The following CLVS1 variants were observed in gnomAD, a reference collection of about 807,000 sequenced individuals.
CLVS1 encodes clavesin 1, also known as clavesin-1.
A neutral mutation model predicts 33.1 loss-of-function variants in CLVS1; 10 were observed. The observed-to-expected ratio is 0.30, with a 90% CI of 0.19 to 0.51. The LOEUF is 0.51. CLVS1 is among the 20% of genes least tolerant of loss of function. The pLI is 0.97. For missense variants in CLVS1, 343 were observed against 433.4 expected (o/e 0.79, Z 1.85); for synonymous variants, 163 against 166.1 (o/e 0.98, Z 0.14).
chr8:61,049,027 G>A, the CLVS1 span, among the ~76,000 whole-genome samples: 1 of 152,230 alleles, frequency 6.6e-6, no homozygotes, highest in Admixed American at 6.5e-5. Flanking sequence ...AGGACTGAAG[G>A]GTTCCTTAGA....
At position 61,074,807 on chromosome 8, in the gene CLVS1, A is replaced by G. The variant is rs149269335; in HGVS notation, c.-243+17577A>G. On this transcript the variant is annotated intron_variant, in intron 1 of 2. Transcript: ENST00000522621. Reference sequence around the variant, plus strand: ...TTTGTAAAAACAAAGATGAATATAAAGTGCCTGACACTTAGTAGGCATTTA... The same window carrying G: ...TTTGTAAAAACAAAGATGAATATAAGGTGCCTGACACTTAGTAGGCATTTA... Among the ~76,000 whole-genome samples the G allele has an allele frequency of 3.3e-5, 5 of 152,292 alleles. No individual in the cohort carries two copies. In the South Asian group the frequency reaches 6.2e-4, roughly 19 times the overall value.
chr8:61,265,299 A>C (rs1475091137), intron 2 of CLVS1, among the ~76,000 whole-genome samples: 1 of 138,250 alleles, frequency 7.2e-6, no homozygotes, highest in Non-Finnish European at 1.7e-5. Context: ...TGGACTCTGC[A>C]TGGAAGTCTG....
At chr8:61,043,829 G>T in the CLVS1 span, among the ~76,000 whole-genome samples, 1 of 152,266 alleles carries the variant, frequency 6.6e-6, no homozygotes, top group Non-Finnish European at 1.5e-5. Flanking sequence ...AAATTCAGGG[G>T]TCTGCTACAT....
intron 2 of CLVS1, among the ~76,000 whole-genome samples, chr8:61,313,700 T>G (rs1191824573): frequency 6.6e-6 from 1 of 151,856 alleles, no homozygotes; most frequent in Non-Finnish European, 1.5e-5. Flanking sequence ...TGGGGAGAAA[T>G]CTGAAACAAT....
intron 5 of CLVS1, among the ~76,000 whole-genome samples, chr8:61,482,216 C>A (rs1818221064): frequency 6.6e-6 from 1 of 152,088 alleles, no homozygotes; most frequent in Non-Finnish European, 1.5e-5. Flanking sequence ...ACATCAAAGA[C>A]CAAAGGTAGG....
chr8:61,097,306 AAATT>A (rs1805370303), intron 1 of CLVS1, among the ~76,000 whole-genome samples: 1 of 152,028 alleles, frequency 6.6e-6, no homozygotes. Context: ...AAAAATAAAA[AAATT>A]AAATTAATTA....
intron 2 of CLVS1, among the ~76,000 whole-genome samples, chr8:61,176,015 T>C (rs2129299432): frequency 6.6e-6 from 1 of 152,316 alleles, no homozygotes; most frequent in African/African-American, 2.4e-5. Flanking sequence ...AAACACACTC[T>C]AGATGGAGAG....
intron 2 of CLVS1, among the ~76,000 whole-genome samples, chr8:61,303,527 C>CT (rs1270994425): frequency 1.3e-5 from 2 of 152,160 alleles, no homozygotes; most frequent in African/African-American, 4.8e-5. Context: ...AAAGTAATCT[C>CT]TTTTTGCACT....
At chr8:60,998,488 G>T in the CLVS1 span, among the ~76,000 whole-genome samples, 1 of 152,124 alleles carries the variant, frequency 6.6e-6, no homozygotes, top group Non-Finnish European at 1.5e-5. Flanking sequence ...GGCCATGAGA[G>T]CCTCCCTGCC....
In CLVS1 at chr8:61,501,319, CTT is replaced by C. The variant is rs1804885266; in HGVS notation, c.*1779_*1780del. 1 of 152,134 alleles carries C rather than the reference CTT, an allele frequency of 6.6e-6. No individual in the cohort carries two copies. Among genetic ancestry groups the C allele is most frequent in the African/African-American group, 2.4e-5 (1 of 41,456 alleles). The allele number at this position is 152,134 out of a possible 1,614,324, so 9.4% of individuals were successfully genotyped here. A position where few individuals can be genotyped will look rare whatever the true frequency, so the allele number is the denominator to read the frequency against. On this transcript the variant is annotated 3_prime_UTR_variant, in exon 6 of 6. Coordinates refer to ENST00000325897, the MANE Select transcript of CLVS1 (RefSeq NM_173519.3). The stretch of plus-strand genomic sequence containing the variant: ...CTATTGGAGTCAATTATTGACAACA[CTT>C]TGCAACAGTAATACCATTTCTAGCT...
intron 2 of CLVS1, among the ~76,000 whole-genome samples, chr8:61,259,844 G>T (rs573262381): frequency 3.9e-4 from 59 of 152,288 alleles, no homozygotes; most frequent in Non-Finnish European, 1.2e-4. Flanking sequence ...GCAGCTGTGG[G>T]TATATCCCTG....
At chr8:61,241,379 C>G (rs1398337809) in intron 2 of CLVS1, among the ~76,000 whole-genome samples, 3 of 151,810 alleles carry the variant, frequency 2.0e-5, no homozygotes, top group African/African-American at 7.3e-5. Flanking sequence ...TGAGATAAGT[C>G]AAGTTTGTCA....
At chr8:60,995,991 A>G in the CLVS1 span, among the ~76,000 whole-genome samples, 1 of 152,152 alleles carries the variant, frequency 6.6e-6, no homozygotes, top group Non-Finnish European at 1.5e-5. Flanking sequence ...GAAGGGGAAT[A>G]TCACACTCTG....
At chr8:61,116,854 G>A (rs1306969932) in intron 1 of CLVS1, among the ~76,000 whole-genome samples, 1 of 141,078 alleles carries the variant, frequency 7.1e-6, no homozygotes, top group Non-Finnish European at 1.5e-5. Flanking sequence ...GGCGATGCGG[G>A]CTCTTTTTTG....
chr8:61,094,506 C>T (rs1805313553), intron 1 of CLVS1, among the ~76,000 whole-genome samples: 1 of 152,176 alleles, frequency 6.6e-6, no homozygotes, highest in African/African-American at 2.4e-5. Flanking sequence ...AATTGTGGCT[C>T]ATGAGGTTGG....
chr8:61,489,193 G>A lies in CLVS1; in HGVS notation c.978-10262G>A, dbSNP rs1803985488. ...AAAACAAACATTTTATAAATTAACAGCTGATTAATGTAAACTATTGGATTC... is the reference window on the plus strand; with the variant it reads ...AAAACAAACATTTTATAAATTAACAACTGATTAATGTAAACTATTGGATTC... On this transcript the variant is annotated intron_variant, in intron 5 of 5. Transcript: ENST00000325897. Among the ~76,000 whole-genome samples the A allele has an allele frequency of 2.0e-5, 3 of 152,146 alleles. No homozygotes were observed. In the South Asian group the frequency reaches 6.2e-4, roughly 32 times the overall value.
chr8:61,457,653 C>T (rs926845267), intron 4 of CLVS1, among the ~76,000 whole-genome samples: 2 of 152,006 alleles, frequency 1.3e-5, no homozygotes, highest in Admixed American at 6.5e-5. Context: ...TACCTTGTGC[C>T]CACATCACCC....
chr8:61,432,409 T>TA (rs1486327615), intron 3 of CLVS1, among the ~76,000 whole-genome samples: 1 of 152,140 alleles, frequency 6.6e-6, no homozygotes, highest in Non-Finnish European at 1.5e-5. Context: ...GTAATTAAGG[T>TA]AAAACGAAGT....
At position 61,208,274 on chromosome 8, in the gene CLVS1, C is replaced by T. The variant is rs552745944; in HGVS notation, c.-152+76414C>T. ...GGCACACATGCTGATTTAGTTTCAACTGTATGGCAGAATTTCTTAAAGACC... is the reference window on the plus strand; with the variant it reads ...GGCACACATGCTGATTTAGTTTCAATTGTATGGCAGAATTTCTTAAAGACC... On this transcript the variant is annotated intron_variant, in intron 2 of 2. Transcript: ENST00000522621. Among the ~76,000 whole-genome samples the T allele has an allele frequency of 2.0e-5, 3 of 152,276 alleles. No individual in the cohort carries two copies. In the East Asian group the frequency reaches 5.8e-4, roughly 29 times the overall value.
Sources: allele counts gnomAD v4.1 joint callset (sites outside exome capture counted in the v4.1 genomes callset), GRCh38; gene constraint gnomAD v4.1.1; transcripts MANE v1.5; gene names NCBI Gene and HGNC (gene_info 2026-07-23, HGNC 2026-07-21).